The following TRIM37 variants were observed in gnomAD, a reference collection of about 807,000 sequenced individuals.
TRIM37 encodes E3 ubiquitin-protein ligase TRIM37.
TRIM37 carries 80 observed loss-of-function variants against 129.8 expected under a neutral mutation model. The ratio of observed to expected loss-of-function variants is 0.62; its 90% CI spans 0.51 to 0.74. The LOEUF is 0.74. TRIM37 is among the 30% of genes least tolerant of loss of function. The pLI is 0.00. For synonymous variants in TRIM37, 389 were observed against 387.1 expected (o/e 1.00, Z -0.06); for missense variants, 1,054 against 1,176.5 (o/e 0.90, Z 1.52).
intron 22 of TRIM37, 98 bp downstream of exon 22, chr17:59,012,230 C>CAGCAGCAGCAGCACCAG: frequency 2.6e-6 from 1 of 383,462 alleles, no homozygotes; most frequent in South Asian, 2.4e-5. Flanking sequence ...AGCAGCAGCA[C>CAGCAGCAGCAGCACCAG]CACCACCACC....
At chr17:59,053,708 G>C (rs1302716708) in intron 13 of TRIM37, among the ~76,000 whole-genome samples, 1 of 152,160 alleles carries the variant, frequency 6.6e-6, no homozygotes. Flanking sequence ...CTCTATGGCT[G>C]AAGCATGAAA....
intron 11 of TRIM37, 88 bp downstream of exon 11, chr17:59,062,479 A>G: frequency 9.5e-7 from 1 of 1,051,570 alleles, no homozygotes; most frequent in Non-Finnish European, 1.5e-6. Flanking sequence ...AGAAGAGTTA[A>G]CAGTTCTCAG....
intron 7 of TRIM37, among the ~76,000 whole-genome samples, chr17:59,076,469 C>T (rs983000751): frequency 7.9e-5 from 12 of 152,274 alleles, no homozygotes; most frequent in East Asian, 7.7e-4. Context: ...TCAGCCCAAG[C>T]GGTCAAGGCT....
At position 59,047,662 on chromosome 17, in the gene TRIM37, G is replaced by A. The variant is rs73319213; in HGVS notation, c.1667+21C>T. On this transcript the variant is annotated intron_variant, in intron 16 of 23. Coordinates refer to ENST00000262294, the MANE Select transcript of TRIM37 (RefSeq NM_015294.6). ...ATAATTACCACTTAAATGCTTTACAGTAGTAAAGTGGGAAACTCACATAGT... is the reference window on the plus strand; with the variant it reads ...ATAATTACCACTTAAATGCTTTACAATAGTAAAGTGGGAAACTCACATAGT... The A allele has an allele frequency of 1.8e-3, 2,967 of 1,606,252 alleles. 49 individuals are homozygous for A. In the African/African-American group the frequency reaches 0.032, roughly 17 times the overall value.
chr17:59,095,072 C>A (rs541547689), intron 2 of TRIM37, among the ~76,000 whole-genome samples: 25 of 152,006 alleles, frequency 1.6e-4, no homozygotes, highest in South Asian at 4.2e-4. Flanking sequence ...AAAAATTAGC[C>A]GGGCATGGTG....
intron 10 of TRIM37, 169 bp downstream of exon 10, chr17:59,064,186 A>G: frequency 1.6e-6 from 1 of 621,914 alleles, no homozygotes; most frequent in Non-Finnish European, 2.8e-6. Context: ...CTAAAGATAC[A>G]ATATAATCCA....
Position 59,041,898 on chromosome 17 carries a change from C to G in TRIM37, c.1668G>C (p.Met556Ile). The G allele has an allele frequency of 1.2e-6, 2 of 1,608,100 alleles. No individual in the cohort carries two copies. The highest frequency in any genetic ancestry group is 1.7e-6 in the Non-Finnish European group (2 of 1,174,858). Reference protein sequence around the residue: ...TEENDIDEETMSGENDVEYNN... With the variant: ...TEENDIDEETISGENDVEYNN... ...TATATTCCACATCATTTTCTCCAGA[C>G]CTAAGAATATACAAAATCCATCATT... is the stretch of plus-strand genomic sequence containing the variant. Residue 556 changes from methionine (M) to isoleucine (I), a missense_variant and splice_region_variant, in exon 17 of 24, where the codon ATG (methionine) becomes ATC (isoleucine). Coordinates refer to ENST00000262294, the MANE Select transcript of TRIM37 (RefSeq NM_015294.6).
intron 12 of TRIM37, 51 bp downstream of exon 12, chr17:59,060,981 G>C: frequency 7.4e-7 from 1 of 1,359,678 alleles, no homozygotes; most frequent in South Asian, 1.2e-5. Context: ...AATTGCTAGG[G>C]GGAAGGTATG....
intron 9 of TRIM37, 98 bp from the exon 10 acceptor site, chr17:59,064,503 A>G: frequency 1.3e-6 from 1 of 768,186 alleles, no homozygotes. Context: ...TAAAAACTTT[A>G]TTAAACTAAA....
intron 1 of TRIM37, among the ~76,000 whole-genome samples, chr17:59,105,943 A>G (rs945483528): frequency 3.3e-5 from 5 of 152,248 alleles, no homozygotes; most frequent in Non-Finnish European, 7.3e-5. Context: ...TACAAGAATC[A>G]GTTATAAAAA....
chr17:59,017,452 A>G (rs754719264), intron 19 of TRIM37, 28 bp from the exon 20 acceptor site: 6 of 1,613,518 alleles, frequency 3.7e-6, no homozygotes. Flanking sequence ...AACACCTCTG[A>G]ATAGGCTACT....
At chr17:59,067,458 A>G (rs1017685644) in intron 9 of TRIM37, among the ~76,000 whole-genome samples, 13 of 152,162 alleles carry the variant, frequency 8.5e-5, no homozygotes, top group Non-Finnish European at 1.3e-4. Flanking sequence ...TCAGACCAGT[A>G]ACCTCATCAT....
rs372784759 is a variant in TRIM37 at position 59,001,454 on chromosome 17, T to TA, written c.2812+143dup. On this transcript the variant is annotated intron_variant, in intron 23 of 23. Transcript: ENST00000262294. ...ATGTTGTCTCACAAATGACAATAAT[T>TA]AAAAAAAAAAAAAAAGAAGTAGAAG... 37,667 of 767,674 alleles carry TA rather than the reference T, an allele frequency of 0.049. 13 individuals are homozygous for TA. The highest frequency in any genetic ancestry group is 0.051 in the East Asian group (1,662 of 32,330). The allele number at this position is 767,674 out of a possible 1,614,324, so 47.6% of individuals were successfully genotyped here.
intron 2 of TRIM37, among the ~76,000 whole-genome samples, chr17:59,098,118 G>C (rs1189869943): frequency 6.6e-6 from 1 of 152,142 alleles, no homozygotes; most frequent in African/African-American, 2.4e-5. Context: ...ACAGAATAGA[G>C]AGGTAGAAAT....
the TRIM37 span, among the ~76,000 whole-genome samples, chr17:58,974,489 A>G: frequency 4.6e-5 from 7 of 152,208 alleles, no homozygotes; most frequent in African/African-American, 1.7e-4. Context: ...ACAAAATACA[A>G]GGGTATAAGT....
chr17:58,981,026 G>T, downstream of TRIM37: 2 of 1,580,472 alleles, frequency 1.3e-6, no homozygotes, highest in Non-Finnish European at 1.7e-6. Flanking sequence ...CTATAAAATA[G>T]AATAATTTTT....
chr17:59,001,836 C>A, intron 22 of TRIM37, 122 bp from the exon 23 acceptor site: 1 of 1,375,216 alleles, frequency 7.3e-7, no homozygotes, highest in South Asian at 1.2e-5. Context: ...GCCAAGAATT[C>A]AACAAACTAA....
At chr17:59,012,921 G>A (rs2035484246) in intron 21 of TRIM37, among the ~76,000 whole-genome samples, 1 of 151,558 alleles carries the variant, frequency 6.6e-6, no homozygotes, top group Non-Finnish European at 1.5e-5. Context: ...ACAAAAAAAT[G>A]TTATGAAATG....
intron 18 of TRIM37, among the ~76,000 whole-genome samples, chr17:59,030,309 G>C (rs1002104751): frequency 6.6e-6 from 1 of 152,158 alleles, no homozygotes; most frequent in African/African-American, 2.4e-5. Context: ...GTTTCACCAT[G>C]TTGGCTAGGC....
Sources: allele counts gnomAD v4.1 joint callset (sites outside exome capture counted in the v4.1 genomes callset), GRCh38; gene constraint gnomAD v4.1.1; transcripts MANE v1.5; gene names NCBI Gene and HGNC (gene_info 2026-07-23, HGNC 2026-07-21).